The following STARD3NL variants were observed in gnomAD, a reference collection of about 807,000 sequenced individuals.
STARD3NL encodes the protein STARD3 N-terminal like, also known as STARD3 N-terminal-like protein.
Under a neutral mutation model 30.9 loss-of-function variants are expected in STARD3NL, and 17 were observed. That is an observed-to-expected ratio of 0.55 (90% CI 0.38 to 0.82). The LOEUF is 0.82. STARD3NL is among the 40% of genes least tolerant of loss of function. STARD3NL has a pLI of 0.00. For missense variants in STARD3NL, 234 were observed against 277.6 expected, an observed-to-expected ratio of 0.84 and a Z score of 1.12; for synonymous variants, 112 against 100.5, an observed-to-expected ratio of 1.11 and a Z score of -0.69.
In STARD3NL at chr7:38,207,540, C is replaced by T. The variant is rs1785554393; in HGVS notation, c.36C>T (p.Leu12=). The change falls in exon 2 of 9, where the codon CTC becomes CTT. Residue 12 remains leucine (L), a synonymous_variant. Transcript: ENST00000009041. ...NHLPEDMENA[L]TGSQSSHASL... ...TGCCAGAAGACATGGAGAACGCTCT[C>T]ACCGGGAGCCAGAGCTCCCATGCTT... 1 of 1,613,870 alleles carries T rather than the reference C, an allele frequency of 6.2e-7. No individual in the cohort carries two copies. Among genetic ancestry groups the T allele is most frequent in the African/African-American group, 1.3e-5 (1 of 74,898 alleles).
At chr7:38,219,807 G>A in intron 7 of STARD3NL, 147 bp downstream of exon 7, 2 of 610,950 alleles carry the variant, frequency 3.3e-6, no homozygotes, top group Non-Finnish European at 5.9e-6. Flanking sequence ...GTGAGACACG[G>A]TCTCACATGA....
intron 1 of STARD3NL, among the ~76,000 whole-genome samples, chr7:38,194,155 A>G (rs1407588102): frequency 6.6e-6 from 1 of 152,138 alleles, no homozygotes; most frequent in Non-Finnish European, 1.5e-5. Flanking sequence ...GACTTTAGTT[A>G]TGGTTTTCAA....
intron 6 of STARD3NL, 22 bp downstream of exon 6, chr7:38,217,327 C>T: frequency 6.2e-7 from 1 of 1,609,092 alleles, no homozygotes; most frequent in Non-Finnish European, 8.5e-7. Flanking sequence ...TCAAAGTCAG[C>T]CTCCTGAGGC....
chr7:38,209,430 C>T (rs2004599676), intron 2 of STARD3NL, among the ~76,000 whole-genome samples: 1 of 152,002 alleles, frequency 6.6e-6, no homozygotes, highest in South Asian at 2.1e-4. Context: ...CTACAGGGCG[C>T]ACACCATCAC....
intron 1 of STARD3NL, among the ~76,000 whole-genome samples, chr7:38,184,542 C>G (rs1784377907): frequency 6.6e-6 from 1 of 150,708 alleles, no homozygotes; most frequent in Non-Finnish European, 1.5e-5. Flanking sequence ...TTTAAACAAG[C>G]AGATCTCATG....
chr7:38,217,217 G>A lies in STARD3NL; in HGVS notation c.465G>A (p.Val155=), dbSNP rs1320403401. The A allele has an allele frequency of 6.2e-7, 1 of 1,614,048 alleles. No homozygotes were observed. The highest frequency in any genetic ancestry group is 8.5e-7 in the Non-Finnish European group (1 of 1,179,952). The stretch of plus-strand genomic sequence containing the variant: ...TCTCTCAAGGGGCTTTTGGCTATGT[G>A]CTGCCCATCATTTCATTCATCCTTG... ...KLFSQGAFGY[V]LPIISFILAW... is the part of the protein sequence containing the mutation. Residue 155 remains valine (V), a synonymous_variant, in exon 6 of 9, where the codon GTG becomes GTA. Coordinates refer to ENST00000009041, the MANE Select transcript of STARD3NL (RefSeq NM_032016.4).
chr7:38,196,957 G>A (rs1784924498), intron 1 of STARD3NL, among the ~76,000 whole-genome samples: 2 of 152,134 alleles, frequency 1.3e-5, no homozygotes, highest in Admixed American at 1.3e-4. Flanking sequence ...GTAATGGGCA[G>A]TTCGCCAAAG....
In STARD3NL at chr7:38,214,352, T is replaced by C; in HGVS notation, c.226-5T>C. ...CTTGTTTTTGCTTCTTACTCTCCTT[T>C]CTAGGTGAATGGAGGCATTGAGAAC... On this transcript the variant is annotated splice_polypyrimidine_tract_variant and splice_region_variant and intron_variant, in intron 2 of 8. Coordinates refer to ENST00000009041, the MANE Select transcript of STARD3NL (RefSeq NM_032016.4). The C allele has an allele frequency of 1.9e-6, 3 of 1,593,846 alleles. No homozygotes were observed. Among genetic ancestry groups the C allele is most frequent in the Non-Finnish European group, 2.6e-6 (3 of 1,165,260 alleles).
intron 1 of STARD3NL, among the ~76,000 whole-genome samples, chr7:38,188,255 T>TTGGCTGCAGCTTCGCTGGCCACC: frequency 6.6e-6 from 1 of 152,326 alleles, no homozygotes; most frequent in Admixed American, 6.5e-5. Context: ...CCTCTCTCAC[T>TTGGCTGCAGCTTCGCTGGCCACC]TGGCTGCAGC....
At position 38,217,194 on chromosome 7, in the gene STARD3NL, T is replaced by C. The variant is rs1786172500; in HGVS notation, c.442T>C (p.Ser148Pro). 6.2e-7 allele frequency: 1 copy of C among 1,614,080 alleles called. No individual in the cohort carries two copies. Among genetic ancestry groups the C allele is most frequent in the Non-Finnish European group, 8.5e-7 (1 of 1,179,940 alleles). The change falls in exon 6 of 9, where the codon TCT becomes CCT. Residue 148 changes from serine (S) to proline (P), a missense_variant. By Grantham distance (74) the Ser-to-Pro change is moderately conservative (BLOSUM62 -1). Coordinates refer to ENST00000009041, the MANE Select transcript of STARD3NL (RefSeq NM_032016.4). ...LAKVILSKLFSQGAFGYVLPI... is the reference protein window; with the variant it reads ...LAKVILSKLFPQGAFGYVLPI... ...TCCTGGTCGTATTTTCCAGCTTTTC[T>C]CTCAAGGGGCTTTTGGCTATGTGCT...
intron 6 of STARD3NL, 108 bp downstream of exon 6, chr7:38,217,413 A>C (rs565575416): frequency 1.0e-6 from 1 of 971,034 alleles, no homozygotes; most frequent in African/African-American, 1.6e-5. Flanking sequence ...AGAGTTAGGC[A>C]GTGGTGGGGT....
intron 1 of STARD3NL, among the ~76,000 whole-genome samples, chr7:38,193,282 TTTGTTG>T (rs58332866): frequency 1.9e-4 from 28 of 150,518 alleles, no homozygotes; most frequent in Non-Finnish European, 2.7e-4. Flanking sequence ...GGATTAGTTT[TTTGTTG>T]TTGTTGTTGT....
intron 1 of STARD3NL, among the ~76,000 whole-genome samples, chr7:38,196,767 T>G (rs1056144025): frequency 1.1e-4 from 16 of 152,238 alleles, no homozygotes; most frequent in Admixed American, 3.9e-4. Context: ...AGTAGCTTTC[T>G]ATTGCCTCAG....
At chr7:38,219,540 A>T in intron 6 of STARD3NL, 25 bp from the exon 7 acceptor site, 1 of 1,550,990 alleles carries the variant, frequency 6.4e-7, no homozygotes, top group Non-Finnish European at 8.8e-7. Flanking sequence ...CCTCATTCCC[A>T]ACATCTGAAT....
intron 1 of STARD3NL, among the ~76,000 whole-genome samples, chr7:38,186,548 GTCAA>G (rs1485493983): frequency 6.6e-6 from 1 of 152,144 alleles, no homozygotes; most frequent in Non-Finnish European, 1.5e-5. Flanking sequence ...CAACATTTAG[GTCAA>G]CAATGGACTG....
intron 7 of STARD3NL, among the ~76,000 whole-genome samples, chr7:38,221,301 C>T (rs781781009): frequency 6.6e-6 from 1 of 152,168 alleles, no homozygotes; most frequent in Non-Finnish European, 1.5e-5. Flanking sequence ...ATTTACTCCT[C>T]CCTTGTCTGC....
chr7:38,215,213 C>G, intron 4 of STARD3NL, 108 bp downstream of exon 4: 1 of 1,012,942 alleles, frequency 9.9e-7, no homozygotes, highest in Non-Finnish European at 1.5e-6. Context: ...CAGGTGGAAT[C>G]CCACCAGCTT....
At chr7:38,190,078 G>GC (rs1267582655) in intron 1 of STARD3NL, among the ~76,000 whole-genome samples, 5 of 152,174 alleles carry the variant, frequency 3.3e-5, no homozygotes, top group South Asian at 4.2e-4. Context: ...TACATTTCAA[G>GC]CCCCCCCAGG....
In STARD3NL at chr7:38,226,541, C is replaced by G. The variant is rs557294750; in HGVS notation, c.650-2258C>G. 6.6e-5 allele frequency among the ~76,000 whole-genome samples: 10 copies of G among 152,310 alleles called. No homozygotes were observed. In the South Asian group the frequency reaches 2.1e-3, roughly 32 times the overall value. On this transcript the variant is annotated intron_variant, in intron 7 of 8. Coordinates refer to ENST00000009041, the MANE Select transcript of STARD3NL (RefSeq NM_032016.4). ...TGGGTTGGATAGCACCTTCAGCGTTCAGGCCATTTTCAAGTCCTCCCCAGC... is the reference window on the plus strand; with the variant it reads ...TGGGTTGGATAGCACCTTCAGCGTTGAGGCCATTTTCAAGTCCTCCCCAGC...
Sources: allele counts gnomAD v4.1 joint callset (sites outside exome capture counted in the v4.1 genomes callset), GRCh38; gene constraint gnomAD v4.1.1; transcripts MANE v1.5; gene names NCBI Gene and HGNC (gene_info 2026-07-23, HGNC 2026-07-21).